DYNC2H1: variants seen among roughly 807,000 people sequenced by gnomAD.
The protein encoded by DYNC2H1 is dynein cytoplasmic 2 heavy chain 1.
A neutral mutation model predicts 570.0 loss-of-function variants in DYNC2H1; 410 were observed. That is an observed-to-expected ratio of 0.72 (90% CI 0.66 to 0.78). DYNC2H1 has a LOEUF of 0.78. Ranked by LOEUF, DYNC2H1 falls within the 30% of genes least tolerant of loss-of-function variation. The pLI is 0.00. For synonymous variants in DYNC2H1, 1,688 were observed against 1,677.6 expected, an observed-to-expected ratio of 1.01 and a Z score of -0.15; for missense variants, 4,865 against 5,046.4, an observed-to-expected ratio of 0.96 and a Z score of 1.09.
intron 30 of DYNC2H1, among the ~76,000 whole-genome samples, chr11:103,164,359 C>A (rs1235644416): frequency 6.6e-6 from 1 of 152,058 alleles, no homozygotes; most frequent in East Asian, 1.9e-4. Context: ...GTAAATAGTT[C>A]ATTATCTACT....
At chr11:103,427,851 C>T (rs2511494) in intron 84 of DYNC2H1, among the ~76,000 whole-genome samples, 101,035 of 151,846 alleles carry the variant, frequency 0.67, 35,281 homozygotes, top group African/African-American at 0.89. Flanking sequence ...ATTCAGTCCA[C>T]AGCAAATATT....
rs1861160718 is a variant in DYNC2H1, at chr11:103,163,015, A to G, written c.4492-13A>G. Reference sequence around the variant, plus strand: ...TATGTCTTGTTTATATTATTTTCCAATTTCTTTTTCAGACATGGTTGAATG... The same window carrying G: ...TATGTCTTGTTTATATTATTTTCCAGTTTCTTTTTCAGACATGGTTGAATG... On this transcript the variant is annotated splice_polypyrimidine_tract_variant and intron_variant, in intron 29 of 88. Transcript: ENST00000375735. This position sits in a 1 kb window ranked among gnomAD's most constrained non-coding sequence, Gnocchi z 4.6. 6.2e-7 allele frequency: 1 copy of G among 1,603,826 alleles called. No homozygotes were observed. The highest frequency in any genetic ancestry group is 8.5e-7 in the Non-Finnish European group (1 of 1,174,462).
intron 83 of DYNC2H1, among the ~76,000 whole-genome samples, chr11:103,361,797 G>T (rs144924985): frequency 6.6e-6 from 1 of 151,946 alleles, no homozygotes; most frequent in Non-Finnish European, 1.5e-5. Flanking sequence ...AACAAAAAAC[G>T]AAAAAAGAAC....
Position 103,126,885 on chromosome 11 carries a change from A to G in DYNC2H1, c.1857+1590A>G, listed in dbSNP as rs192614849. ...AATCTCCTGACCTTGTGATCCGCCT[A>G]CCTTGGCCTCCCAAAGTGCTGGGAT... On this transcript the variant is annotated intron_variant, in intron 12 of 88. Coordinates refer to ENST00000375735, the MANE Select transcript of DYNC2H1 (RefSeq NM_001377.3). Among the ~76,000 whole-genome samples, 1,078 of 152,180 alleles carry G rather than the reference A, an allele frequency of 7.1e-3. 9 individuals are homozygous for G. The highest frequency in any genetic ancestry group is 0.025 in the African/African-American group (1,018 of 41,534).
At chr11:103,341,627 T>C (rs1464427844) in intron 82 of DYNC2H1, among the ~76,000 whole-genome samples, 1 of 152,206 alleles carries the variant, frequency 6.6e-6, no homozygotes, top group African/African-American at 2.4e-5. Context: ...TATCTGTACT[T>C]AGAAGAAACT....
chr11:103,206,282 A>G (rs1000160487), intron 52 of DYNC2H1, among the ~76,000 whole-genome samples: 7 of 152,178 alleles, frequency 4.6e-5, no homozygotes, highest in African/African-American at 1.7e-4. Context: ...GACAGAGGAT[A>G]CTGTGAAAAG....
Position 103,159,008 on chromosome 11 carries a change from C to T in DYNC2H1, c.4359C>T (p.His1453=). 6.2e-7 allele frequency: 1 copy of T among 1,612,210 alleles called. No individual in the cohort carries two copies. The highest frequency in any genetic ancestry group is 8.5e-7 in the Non-Finnish European group (1 of 1,179,138). The change falls in exon 28 of 89, where the codon CAC becomes CAT. Residue 1453 remains histidine, a synonymous_variant. Transcript: ENST00000375735. ...QSTNPSVIQS[H]LKKLFAGINS... is the part of the protein sequence containing the mutation. ...CCAACCCATCAGTGATTCAGTCTCACCTGAAGAAGCTTTTTGCTGGTAGGA... is the reference window on the plus strand; with the variant it reads ...CCAACCCATCAGTGATTCAGTCTCATCTGAAGAAGCTTTTTGCTGGTAGGA...
At chr11:103,117,936 A>G in intron 6 of DYNC2H1, 73 bp downstream of exon 6, 1 of 1,291,752 alleles carries the variant, frequency 7.7e-7, no homozygotes, top group Non-Finnish European at 1.0e-6. Flanking sequence ...AATGTATTTT[A>G]TAATCAATAA....
At chr11:103,143,472 G>A in intron 18 of DYNC2H1, 77 bp downstream of exon 18, 1 of 1,395,564 alleles carries the variant, frequency 7.2e-7, no homozygotes, top group Non-Finnish European at 9.4e-7. Context: ...TCTACTTAGT[G>A]GCATTGAAGT....
chr11:103,221,967 A>G, intron 57 of DYNC2H1, 63 bp from the exon 58 acceptor site: 1 of 1,563,596 alleles, frequency 6.4e-7, no homozygotes, highest in Non-Finnish European at 8.7e-7. Context: ...TGTTAAACTG[A>G]TTTTTTTTCA....
intron 75 of DYNC2H1, among the ~76,000 whole-genome samples, chr11:103,292,498 G>A (rs1866656730): frequency 6.6e-6 from 1 of 151,996 alleles, no homozygotes; most frequent in Non-Finnish European, 1.5e-5. Context: ...ATTTTTGATA[G>A]GTATCTTTCA....
At chr11:103,290,619 C>A (rs1866554452) in intron 75 of DYNC2H1, among the ~76,000 whole-genome samples, 1 of 152,148 alleles carries the variant, frequency 6.6e-6, no homozygotes, top group Non-Finnish European at 1.5e-5. Context: ...ATGACTCAGA[C>A]AATATCAGGA....
In DYNC2H1 at chr11:103,305,116, T is replaced by C. The variant is rs1331973951; in HGVS notation, c.11382+396T>C. Among the ~76,000 whole-genome samples the C allele has an allele frequency of 6.6e-6, 1 of 152,018 alleles. No individual in the cohort carries two copies. On this transcript the variant is annotated intron_variant, in intron 77 of 88. Coordinates refer to ENST00000375735, the MANE Select transcript of DYNC2H1 (RefSeq NM_001377.3). The surrounding 1 kb of genome is among the most constrained non-coding windows in gnomAD (Gnocchi z 4.3). Reference sequence around the variant, plus strand: ...AAGCTAGAGAATAAACTGAAGCAAATGTTTCGTTTATCTCAAATGGACTCA... The same window carrying C: ...AAGCTAGAGAATAAACTGAAGCAAACGTTTCGTTTATCTCAAATGGACTCA...
chr11:103,402,020 C>T (rs1942665366), intron 84 of DYNC2H1: 1 of 152,004 alleles, frequency 6.6e-6, no homozygotes, highest in Non-Finnish European at 1.5e-5. Context: ...GGTAACCCAT[C>T]AGAGATAATG....
intron 85 of DYNC2H1, among the ~76,000 whole-genome samples, chr11:103,451,800 A>G (rs556816601): frequency 6.6e-5 from 10 of 152,312 alleles, no homozygotes; most frequent in Admixed American, 2.6e-4. Flanking sequence ...TCAGTTTTAC[A>G]TAACTTTTGA....
chr11:103,355,024 A>C (rs1355767069), intron 82 of DYNC2H1, among the ~76,000 whole-genome samples: 1 of 152,028 alleles, frequency 6.6e-6, no homozygotes, highest in Admixed American at 6.6e-5. Flanking sequence ...ATATATTAAG[A>C]GTTTTAATTT....
In DYNC2H1 at chr11:103,205,815, A is replaced by C. The variant is rs663101; in HGVS notation, c.8454+851A>C. 0.93 allele frequency among the ~76,000 whole-genome samples: 141,727 copies of C among 152,126 alleles called. 66,052 individuals are homozygous for C. Among genetic ancestry groups the C allele is most frequent in the African/African-American group, 0.94 (39,084 of 41,506 alleles). On this transcript the variant is annotated intron_variant, in intron 52 of 88. Transcript: ENST00000375735. This position sits in a 1 kb window ranked among gnomAD's most constrained non-coding sequence, Gnocchi z 4.5. The stretch of plus-strand genomic sequence containing the variant: ...ATGATTTTGAGGATCAGTAAGAGGC[A>C]ACTTCACCTGGAGCAGAGTGATTGA...
Position 103,170,426 on chromosome 11 carries a change from T to G in DYNC2H1, c.5151+136T>G. 1 of 953,622 alleles carries G rather than the reference T, an allele frequency of 1.0e-6. No individual in the cohort carries two copies. The highest frequency in any genetic ancestry group is 3.5e-5 in the Admixed American group (1 of 28,656). 59.1% of individuals were successfully genotyped at this position (953,622 alleles called of 1,614,324 possible). A position where few individuals can be genotyped will look rare whatever the true frequency, so the allele number is the denominator to read the frequency against. The stretch of plus-strand genomic sequence containing the variant: ...AAGACAGAATTTGTTTAAATTGAAA[T>G]GTAAAATGGACAGAGGTTGTACGTA... On this transcript the variant is annotated intron_variant, in intron 33 of 88. Coordinates refer to ENST00000375735, the MANE Select transcript of DYNC2H1 (RefSeq NM_001377.3). The surrounding 1 kb of genome is among the most constrained non-coding windows in gnomAD (Gnocchi z 4.8).
intron 44 of DYNC2H1, 109 bp downstream of exon 44, chr11:103,188,757 G>A: frequency 1.1e-6 from 1 of 935,498 alleles, no homozygotes; most frequent in Non-Finnish European, 1.4e-6. Flanking sequence ...TATAAAAATG[G>A]TCAAACTTAA....
Sources: gnomAD v4.1 joint callset for allele counts (sites outside exome capture counted in the v4.1 genomes callset) on GRCh38, gnomAD v4.1.1 for gene constraint, Gnocchi (gnomAD v3.1) non-coding constraint, MANE v1.5 for transcripts, NCBI Gene and HGNC (gene_info 2026-07-23, HGNC 2026-07-21) for gene names.